The following ZNF343 variants were observed in gnomAD, a reference collection of about 807,000 sequenced individuals.
The protein encoded by ZNF343 is zinc finger protein 343.
A neutral mutation model predicts 13.8 loss-of-function variants in ZNF343; 11 were observed. That is an observed-to-expected ratio of 0.80 (90% CI 0.50 to 1.32). The LOEUF is 1.32. Among genes scored for constraint, ZNF343 ranks in the 40% most tolerant of loss-of-function variants. ZNF343 has a pLI of 0.00. For synonymous variants in ZNF343, 248 were observed against 260.0 expected (o/e 0.95, Z 0.44); for missense variants, 658 against 714.2 (o/e 0.92, Z 0.90).
intron 1 of ZNF343, among the ~76,000 whole-genome samples, chr20:2,504,623 C>T (rs1424898849): frequency 1.3e-5 from 2 of 152,136 alleles, no homozygotes; most frequent in Non-Finnish European, 2.9e-5. Context: ...GGTCTTCATC[C>T]CTGGGATGCA....
Position 2,483,809 on chromosome 20 carries a change from C to T in ZNF343, c.1152G>A (p.Leu384=). 3.1e-6 allele frequency: 5 copies of T among 1,613,672 alleles called. No individual in the cohort carries two copies. The highest frequency in any genetic ancestry group is 1.7e-4 in the Middle Eastern group (1 of 6,058). Residue 384 remains leucine, a synonymous_variant, in exon 6 of 6, where the codon CTG becomes CTA. Transcript: ENST00000278772. ...THSGEKPYVC[L]ECGRSFCDKS... ...TATCACAAAAGCTTCGTCCACACTC[C>T]AGGCACACATAGGGTTTCTCACCGG...
At chr20:2,485,483 C>T (rs2085267954) in intron 5 of ZNF343, among the ~76,000 whole-genome samples, 1 of 152,216 alleles carries the variant, frequency 6.6e-6, no homozygotes, top group South Asian at 2.1e-4. Context: ...AGACTTCTGC[C>T]TAACTAATGA....
At position 2,508,058 on chromosome 20, in the gene ZNF343, G is replaced by A. The variant is rs1020215417; in HGVS notation, c.-237+823C>T. On this transcript the variant is annotated intron_variant, in intron 1 of 5. Coordinates refer to ENST00000278772, the MANE Select transcript of ZNF343 (RefSeq NM_024325.6). This position sits in a 1 kb window ranked among gnomAD's most constrained non-coding sequence, Gnocchi z 4.5. ...CCAGGAACTTTGCCACAAAGCACAG[G>A]GGGCACCTCCCACATGACACACCTT... Among the ~76,000 whole-genome samples, 21 of 151,990 alleles carry A rather than the reference G, an allele frequency of 1.4e-4. No homozygotes were observed. The highest frequency in any genetic ancestry group is 1.3e-3 in the Admixed American group (20 of 15,256).
Position 2,484,482 on chromosome 20 carries a change from T to A in ZNF343, c.479A>T (p.His160Leu). ...TGCATTTTCAAACCAACAGCTTACA[T>A]GGGAATACTGCTGCCCCTGCTGTTT... ...HWKQQGQQYSHVSCWFENAEG... is the reference protein window; with the variant it reads ...HWKQQGQQYSLVSCWFENAEG... Residue 160 changes from histidine to leucine, a missense_variant, in exon 6 of 6, where the codon CAT (histidine) becomes CTT (leucine). His to Leu is a moderately conservative substitution (Grantham distance 99). Coordinates refer to ENST00000278772, the MANE Select transcript of ZNF343 (RefSeq NM_024325.6). 1 of 1,614,236 alleles carries A rather than the reference T, an allele frequency of 6.2e-7. No individual in the cohort carries two copies.
intron 2 of ZNF343, among the ~76,000 whole-genome samples, chr20:2,496,776 T>G (rs191757874): frequency 6.6e-6 from 1 of 152,052 alleles, no homozygotes. Context: ...CCTGGAGCAG[T>G]TGGAAGGATA....
At position 2,508,466 on chromosome 20, in the gene ZNF343, G is replaced by T. The variant is rs1473950398; in HGVS notation, c.-237+415C>A. On this transcript the variant is annotated intron_variant, in intron 1 of 5. Coordinates refer to ENST00000278772, the MANE Select transcript of ZNF343 (RefSeq NM_024325.6). The surrounding 1 kb of genome is among the most constrained non-coding windows in gnomAD (Gnocchi z 4.5). Reference sequence around the variant, plus strand: ...CCCAGGGATGTGCGGACCTAGCCACGTCCCCACCCCAGCCGCGGGGATGTT... The same window carrying T: ...CCCAGGGATGTGCGGACCTAGCCACTTCCCCACCCCAGCCGCGGGGATGTT... 2.0e-5 allele frequency among the ~76,000 whole-genome samples: 3 copies of T among 152,072 alleles called. No individual in the cohort carries two copies. The highest frequency in any genetic ancestry group is 7.2e-5 in the African/African-American group (3 of 41,404).
chr20:2,493,687 C>A, intron 3 of ZNF343, 91 bp downstream of exon 3: 1 of 1,387,462 alleles, frequency 7.2e-7, no homozygotes. Context: ...GAAGTAGTCA[C>A]TTAACTCAGA....
intron 2 of ZNF343, among the ~76,000 whole-genome samples, chr20:2,500,042 T>C (rs1487549833): frequency 6.6e-6 from 1 of 152,078 alleles, no homozygotes; most frequent in African/African-American, 2.4e-5. Flanking sequence ...ATGCATAGGA[T>C]AGTATTTATA....
chr20:2,483,027 T>A lies in ZNF343; in HGVS notation c.*134A>T, dbSNP rs1038453080. 4 of 1,092,974 alleles carry A rather than the reference T, an allele frequency of 3.7e-6. No individual in the cohort carries two copies. In the East Asian group the frequency reaches 1.0e-4, roughly 28 times the overall value. The allele number at this position is 1,092,974 out of a possible 1,614,324, so 67.7% of individuals were successfully genotyped here. On this transcript the variant is annotated 3_prime_UTR_variant, in exon 6 of 6. Coordinates refer to ENST00000278772, the MANE Select transcript of ZNF343 (RefSeq NM_024325.6). ...TGTCCCTCCCATGCCTGATAAGGGC[T>A]GACACATCTCTGGAACTTCACTCAC...
intron 5 of ZNF343, among the ~76,000 whole-genome samples, chr20:2,488,190 C>T (rs1210593544): frequency 6.6e-6 from 1 of 152,124 alleles, no homozygotes; most frequent in East Asian, 1.9e-4. Context: ...ATTTAGAAAA[C>T]CTTTTCCTGT....
chr20:2,521,557 C>T (rs977188121), intron 1 of ZNF343, among the ~76,000 whole-genome samples: 1 of 152,140 alleles, frequency 6.6e-6, no homozygotes, highest in Admixed American at 6.5e-5. Flanking sequence ...GAAGCAGAGA[C>T]CTAGACTCAG....
chr20:2,520,830 C>T (rs541351054), intron 1 of ZNF343, among the ~76,000 whole-genome samples: 2 of 152,288 alleles, frequency 1.3e-5, no homozygotes, highest in African/African-American at 4.8e-5. Context: ...ATATTGGGGA[C>T]AGTTGCTGGC....
At chr20:2,520,623 T>C (rs911843013) in intron 1 of ZNF343, among the ~76,000 whole-genome samples, 5 of 152,236 alleles carry the variant, frequency 3.3e-5, no homozygotes, top group Non-Finnish European at 7.3e-5. Flanking sequence ...TTTATTTTAC[T>C]AGATATGCTC....
chr20:2,485,031 C>A (rs2085261000), intron 5 of ZNF343, among the ~76,000 whole-genome samples: 1 of 152,048 alleles, frequency 6.6e-6, no homozygotes. Flanking sequence ...CATGACTTTT[C>A]TTATTATATA....
chr20:2,504,328 A>C (rs1351715828), intron 1 of ZNF343, among the ~76,000 whole-genome samples: 2 of 152,226 alleles, frequency 1.3e-5, no homozygotes, highest in Admixed American at 6.5e-5. Flanking sequence ...AACCAAAAAA[A>C]GTCCAAGACC....
intron 1 of ZNF343, among the ~76,000 whole-genome samples, chr20:2,503,272 A>G (rs1039976373): frequency 6.6e-6 from 1 of 152,228 alleles, no homozygotes; most frequent in Non-Finnish European, 1.5e-5. Flanking sequence ...TCCTAAATAT[A>G]TATGCACCCA....
chr20:2,493,448 A>G, intron 4 of ZNF343, 71 bp downstream of exon 4: 4 of 1,408,966 alleles, frequency 2.8e-6, no homozygotes, highest in Non-Finnish European at 3.0e-6. Context: ...CCCAAGAAAG[A>G]GAATATATGT....
chr20:2,483,195 T>C lies in ZNF343; in HGVS notation c.1766A>G (p.Lys589Arg). 6.2e-7 allele frequency: 1 copy of C among 1,612,492 alleles called. No individual in the cohort carries two copies. Among genetic ancestry groups the C allele is most frequent in the Middle Eastern group, 1.7e-4 (1 of 6,058 alleles). ...CRECGRGFSH[K>R]SNLIRHQRTH ...CCTCTGGTGTCTGATGAGATTTGACTTATGACTAAAGCCTCGCCCACACTC... is the reference window on the plus strand; with the variant it reads ...CCTCTGGTGTCTGATGAGATTTGACCTATGACTAAAGCCTCGCCCACACTC... The change falls in exon 6 of 6, where the codon AAG becomes AGG. Residue 589 changes from lysine to arginine, a missense_variant. Lys to Arg is a conservative substitution (Grantham distance 26). Coordinates refer to ENST00000278772, the MANE Select transcript of ZNF343 (RefSeq NM_024325.6).
chr20:2,523,769 G>C (rs933704530), intron 1 of ZNF343, among the ~76,000 whole-genome samples: 1 of 144,916 alleles, frequency 6.9e-6, no homozygotes, highest in Non-Finnish European at 1.5e-5. Context: ...CAACCTCTGC[G>C]TCCTGGATTC....
Sources: allele counts gnomAD v4.1 joint callset (sites outside exome capture counted in the v4.1 genomes callset), GRCh38; gene constraint gnomAD v4.1.1; non-coding constraint Gnocchi (gnomAD v3.1); transcripts MANE v1.5; gene names NCBI Gene and HGNC (gene_info 2026-07-23, HGNC 2026-07-21).